WWOX: variants seen among roughly 807,000 people sequenced by gnomAD.
WWOX encodes WW domain containing oxidoreductase, also known as WW domain-containing oxidoreductase.
A neutral mutation model predicts 46.2 loss-of-function variants in WWOX; 69 were observed. The ratio of observed to expected loss-of-function variants is 1.49; its 90% CI spans 1.23 to 1.82. WWOX has a LOEUF of 1.82. Among genes scored for constraint, WWOX ranks in the 40% most tolerant of loss-of-function variants. The pLI is 0.00. For synonymous variants in WWOX, 359 were observed against 202.6 expected (o/e 1.77, Z -6.56); for missense variants, 919 against 542.6 (o/e 1.69, Z -6.89).
At chr16:79,146,896 A>T (rs942456441) in intron 8 of WWOX, among the ~76,000 whole-genome samples, 2 of 152,206 alleles carry the variant, frequency 1.3e-5, no homozygotes, top group Non-Finnish European at 2.9e-5. Context: ...GTGTCCCTTC[A>T]TGTCTAGTTC....
chr16:79,038,718 T>A (rs1267224691), intron 8 of WWOX, among the ~76,000 whole-genome samples: 1 of 151,956 alleles, frequency 6.6e-6, no homozygotes, highest in Non-Finnish European at 1.5e-5. Context: ...CCCAACTAAT[T>A]TTTGTGTTTT....
intron 8 of WWOX, among the ~76,000 whole-genome samples, chr16:79,151,378 C>G (rs1050849056): frequency 6.6e-6 from 1 of 152,196 alleles, no homozygotes; most frequent in Non-Finnish European, 1.5e-5. Flanking sequence ...TCCGTAGGCT[C>G]TTATTTCCTA....
intron 4 of WWOX, among the ~76,000 whole-genome samples, chr16:78,163,271 G>T (rs181860560): frequency 6.6e-6 from 1 of 152,290 alleles, no homozygotes; most frequent in Admixed American, 6.5e-5. Context: ...GATAGATAGG[G>T]ACTGATCACT....
chr16:78,446,279 G>A (rs1204363620), intron 8 of WWOX, among the ~76,000 whole-genome samples: 1 of 152,198 alleles, frequency 6.6e-6, no homozygotes, highest in African/African-American at 2.4e-5. Flanking sequence ...AGGAAGTATG[G>A]AAAGAGCATG....
chr16:78,893,835 C>A (rs8054699), intron 8 of WWOX, among the ~76,000 whole-genome samples: 65,415 of 151,776 alleles, frequency 0.43, 14,076 homozygotes, highest in African/African-American at 0.44. Context: ...GAGGAAATCA[C>A]ACTCACACAG....
At chr16:78,154,729 T>C (rs989662761) in intron 4 of WWOX, among the ~76,000 whole-genome samples, 12 of 152,036 alleles carry the variant, frequency 7.9e-5, no homozygotes, top group African/African-American at 2.7e-4. Flanking sequence ...AAGGCATAGC[T>C]AGCATCCTAA....
chr16:78,648,049 C>A (rs916305572), intron 8 of WWOX, among the ~76,000 whole-genome samples: 1 of 152,222 alleles, frequency 6.6e-6, no homozygotes, highest in Admixed American at 6.5e-5. Flanking sequence ...CCCACACTTA[C>A]TCTTATTCAC....
intron 8 of WWOX, among the ~76,000 whole-genome samples, chr16:78,514,621 G>T (rs928546487): frequency 6.6e-6 from 1 of 152,192 alleles, no homozygotes; most frequent in African/African-American, 2.4e-5. Flanking sequence ...CCCAGGGCAA[G>T]ATAGCAAGAG....
chr16:78,956,517 C>G (rs547348820), intron 8 of WWOX, among the ~76,000 whole-genome samples: 1 of 152,210 alleles, frequency 6.6e-6, no homozygotes, highest in Admixed American at 6.5e-5. Flanking sequence ...TCTATAGGTT[C>G]ATTAGGTTCA....
intron 5 of WWOX, among the ~76,000 whole-genome samples, chr16:78,345,790 A>AT (rs1259882036): frequency 8.4e-6 from 1 of 118,794 alleles, no homozygotes; most frequent in Non-Finnish European, 2.0e-5. Flanking sequence ...TCACTTTGAT[A>AT]TTTTTTAAAG....
At chr16:78,724,222 C>T (rs2048769819) in intron 8 of WWOX, among the ~76,000 whole-genome samples, 1 of 152,164 alleles carries the variant, frequency 6.6e-6, no homozygotes, top group African/African-American at 2.4e-5. Context: ...GTACCTGTCA[C>T]AGGTTGAGCA....
intron 8 of WWOX, among the ~76,000 whole-genome samples, chr16:79,163,733 G>T (rs1411578490): frequency 1.3e-5 from 2 of 148,544 alleles, no homozygotes; most frequent in African/African-American, 5.1e-5. Flanking sequence ...GGAGGCGGAG[G>T]TTGCAGTGAG....
intron 8 of WWOX, among the ~76,000 whole-genome samples, chr16:78,769,837 T>C (rs2050020851): frequency 6.7e-6 from 1 of 149,588 alleles, no homozygotes. Context: ...GGAGGTCCTG[T>C]CTCTACAAAA....
intron 8 of WWOX, among the ~76,000 whole-genome samples, chr16:78,545,446 G>A (rs998566068): frequency 6.6e-6 from 1 of 152,166 alleles, no homozygotes; most frequent in African/African-American, 2.4e-5. Flanking sequence ...TCAAAGTCCT[G>A]GGATGAAGAG....
At chr16:78,820,888 C>T (rs1033685985) in intron 8 of WWOX, among the ~76,000 whole-genome samples, 3 of 152,158 alleles carry the variant, frequency 2.0e-5, no homozygotes, top group Admixed American at 1.3e-4. Flanking sequence ...GGCTTGGAAA[C>T]ACCACATTCT....
At chr16:78,514,275 G>C (rs1031211270) in intron 8 of WWOX, among the ~76,000 whole-genome samples, 2 of 152,140 alleles carry the variant, frequency 1.3e-5, no homozygotes, top group African/African-American at 4.8e-5. Context: ...TTAGTAATTA[G>C]ATAATTATGT....
chr16:78,796,235 A>C (rs536964606), intron 8 of WWOX, among the ~76,000 whole-genome samples: 28 of 152,350 alleles, frequency 1.8e-4, no homozygotes, highest in Admixed American at 1.4e-3. Flanking sequence ...ATAGACATTC[A>C]GCAACTGGCC....
At chr16:78,960,916 A>G (rs762585703) in intron 8 of WWOX, among the ~76,000 whole-genome samples, 5 of 152,202 alleles carry the variant, frequency 3.3e-5, no homozygotes, top group East Asian at 1.9e-4. Context: ...TTCAGAACCT[A>G]CGGGGCTTGC....
intron 8 of WWOX, among the ~76,000 whole-genome samples, chr16:78,607,833 A>AT (rs2045799270): frequency 6.6e-6 from 1 of 151,778 alleles, no homozygotes; most frequent in Non-Finnish European, 1.5e-5. Flanking sequence ...AAAGGGCTGG[A>AT]TTTTCTATCG....
Sources: allele counts gnomAD v4.1 joint callset (sites outside exome capture counted in the v4.1 genomes callset), GRCh38; gene constraint gnomAD v4.1.1; transcripts MANE v1.5; gene names NCBI Gene and HGNC (gene_info 2026-07-23, HGNC 2026-07-21).